Variants in MICAL3 observed in about 807,000 individuals in gnomAD.
The protein encoded by MICAL3 is [F-actin]-monooxygenase MICAL3.
A neutral mutation model predicts 207.4 loss-of-function variants in MICAL3; 62 were observed. That is an observed-to-expected ratio of 0.30 (90% confidence interval 0.24 to 0.37). The LOEUF (loss-of-function observed/expected upper bound fraction) is 0.37. Among genes scored for constraint, MICAL3 ranks in the 10% least tolerant of loss-of-function variants. The pLI is 1.00. For synonymous variants in MICAL3, 1,077 were observed against 1,069.3 expected (o/e 1.01, Z -0.14); for missense variants, 2,368 against 2,635.6 (o/e 0.90, Z 2.22).
chr22:17,971,607 G>A (rs1178624096), intron 1 of MICAL3, among the ~76,000 whole-genome samples: 1 of 152,118 alleles, frequency 6.6e-6, no homozygotes, highest in African/African-American at 2.4e-5. Context: ...CACTGTGTTG[G>A]GGCTAAGCAC....
chr22:17,875,730 T>C lies in MICAL3; in HGVS notation c.2242-3707A>G, dbSNP rs950564483. On this transcript the variant is annotated intron_variant, in intron 16 of 31. Coordinates refer to ENST00000441493, the MANE Select transcript of MICAL3 (RefSeq NM_015241.3). ...TAGCTCCAGAAGCATAAGCGGCCCA[T>C]GCAAGGCTTCCGTTTTGCTTTTAAC... 2.1e-5 allele frequency among the ~76,000 whole-genome samples: 3 copies of C among 145,820 alleles called. No individual in the cohort carries two copies. In the East Asian group the frequency reaches 6.1e-4, roughly 30 times the overall value.
chr22:17,839,568 T>G (rs1437129523), intron 20 of MICAL3: 1 of 44,034 alleles, frequency 2.3e-5, no homozygotes, highest in Non-Finnish European at 4.1e-5. Flanking sequence ...GGCTCTTCCC[T>G]TTTTTTTTTT....
At chr22:17,984,333 C>A (rs909006365) in intron 1 of MICAL3, among the ~76,000 whole-genome samples, 1 of 152,242 alleles carries the variant, frequency 6.6e-6, no homozygotes. Flanking sequence ...GCCAACACTG[C>A]GCTCGACACA....
intron 29 of MICAL3, among the ~76,000 whole-genome samples, chr22:17,804,780 C>T (rs974607509): frequency 6.6e-6 from 1 of 152,178 alleles, no homozygotes; most frequent in Admixed American, 6.5e-5. Context: ...TCACAGCCTC[C>T]GGTCCCACCT....
intron 16 of MICAL3, chr22:17,879,310 C>T (rs748756933): frequency 6.3e-7 from 1 of 1,585,064 alleles, no homozygotes; most frequent in Non-Finnish European, 8.6e-7. Context: ...GTGCTTGGCT[C>T]TCAGCATCCC....
At chr22:17,984,020 A>G (rs1936044232) in intron 1 of MICAL3, among the ~76,000 whole-genome samples, 1 of 152,216 alleles carries the variant, frequency 6.6e-6, no homozygotes. Context: ...CTCGTGTACT[A>G]TTCTCAAACT....
chr22:17,857,579 C>T (rs1056866671), intron 19 of MICAL3, among the ~76,000 whole-genome samples: 8 of 152,210 alleles, frequency 5.3e-5, no homozygotes, highest in African/African-American at 1.9e-4. Context: ...CACACCTGGG[C>T]AGTCTCATGT....
At chr22:17,927,606 T>C (rs886328953) in intron 1 of MICAL3, among the ~76,000 whole-genome samples, 1 of 152,168 alleles carries the variant, frequency 6.6e-6, no homozygotes, top group Non-Finnish European at 1.5e-5. Context: ...CCCCGACATC[T>C]GCCTGCTGCT....
chr22:18,017,752 ATT>A (rs532674200), intron 1 of MICAL3, among the ~76,000 whole-genome samples: 45 of 131,528 alleles, frequency 3.4e-4, no homozygotes, highest in Admixed American at 7.1e-4. Context: ...CACCCGGCTA[ATT>A]TTTTTTTTTT....
intron 29 of MICAL3, among the ~76,000 whole-genome samples, chr22:17,800,083 C>T (rs2061922285): frequency 6.6e-6 from 1 of 152,042 alleles, no homozygotes; most frequent in Non-Finnish European, 1.5e-5. Context: ...ACATGAAACT[C>T]AGAGAAGCAG....
At chr22:17,997,813 A>C (rs1362728897) in intron 1 of MICAL3, among the ~76,000 whole-genome samples, 1 of 152,178 alleles carries the variant, frequency 6.6e-6, no homozygotes, top group Non-Finnish European at 1.5e-5. Flanking sequence ...GGTAATGTCT[A>C]TGCAGCACCT....
intron 1 of MICAL3, among the ~76,000 whole-genome samples, chr22:18,017,876 G>A (rs572260959): frequency 6.7e-6 from 1 of 150,192 alleles, no homozygotes; most frequent in Non-Finnish European, 1.5e-5. Context: ...TCGGCCTCCC[G>A]AGTAGCTGGT....
intron 3 of MICAL3, among the ~76,000 whole-genome samples, chr22:17,903,299 CTG>C (rs1384362155): frequency 2.6e-5 from 4 of 152,342 alleles, no homozygotes; most frequent in African/African-American, 7.2e-5. Context: ...GCTGTGGAAA[CTG>C]AGGCCAGAAT....
At chr22:18,000,586 G>T (rs1922847664) in intron 1 of MICAL3, among the ~76,000 whole-genome samples, 1 of 152,226 alleles carries the variant, frequency 6.6e-6, no homozygotes, top group African/African-American at 2.4e-5. Flanking sequence ...TTTCTGCTAG[G>T]CCAGGCAAGC....
chr22:17,919,272 C>T (rs1932734292), intron 1 of MICAL3, among the ~76,000 whole-genome samples: 1 of 152,140 alleles, frequency 6.6e-6, no homozygotes, highest in African/African-American at 2.4e-5. Context: ...GTTGCCCAGG[C>T]TAGTCTTGAA....
intron 1 of MICAL3, among the ~76,000 whole-genome samples, chr22:17,963,900 A>G: frequency 6.6e-6 from 1 of 152,234 alleles, no homozygotes; most frequent in East Asian, 1.9e-4. Flanking sequence ...TCGTGGGGAC[A>G]TATTTTAAGG....
In MICAL3 at chr22:17,930,686, G is replaced by A. The variant is rs115577680; in HGVS notation, c.-74-23800C>T. Among the ~76,000 whole-genome samples the A allele has an allele frequency of 2.3e-3, 344 of 152,374 alleles. 1 individual carries two copies. Among genetic ancestry groups the A allele is most frequent in the African/African-American group, 7.6e-3 (315 of 41,586 alleles). On this transcript the variant is annotated intron_variant, in intron 1 of 31. Transcript: ENST00000441493. The stretch of plus-strand genomic sequence containing the variant: ...GGACCCTGATCTGGACAGTGGTGCT[G>A]TGTCAACTTGGTTAAGCTGGGAACT...
intron 28 of MICAL3, among the ~76,000 whole-genome samples, chr22:17,810,282 C>G (rs1478148679): frequency 1.3e-5 from 2 of 152,084 alleles, no homozygotes; most frequent in Non-Finnish European, 2.9e-5. Context: ...CCAGGATGGT[C>G]TCAATCTCCT....
intron 29 of MICAL3, among the ~76,000 whole-genome samples, chr22:17,808,264 C>T (rs1021460156): frequency 3.9e-5 from 6 of 152,382 alleles, no homozygotes; most frequent in African/African-American, 1.2e-4. Context: ...GTCTGCTCCA[C>T]GTCGGCTGGT....
Sources: allele counts gnomAD v4.1 joint callset (sites outside exome capture counted in the v4.1 genomes callset), GRCh38; gene constraint gnomAD v4.1.1; transcripts MANE v1.5; gene names NCBI Gene and HGNC (gene_info 2026-07-23, HGNC 2026-07-21).